The following SLC24A2 variants were observed in gnomAD, a reference collection of about 807,000 sequenced individuals.
The protein encoded by SLC24A2 is solute carrier family 24 member 2.
SLC24A2 carries 36 observed loss-of-function variants against 62.0 expected under a neutral mutation model. The ratio of observed to expected loss-of-function variants is 0.58; its 90% CI spans 0.44 to 0.77. The LOEUF (loss-of-function observed/expected upper bound fraction) is 0.77, where lower values mean the gene tolerates loss of function less well. Ranked by LOEUF, SLC24A2 falls within the 30% of genes least tolerant of loss-of-function variation. The pLI, the probability that SLC24A2 is intolerant of heterozygous loss-of-function variation, is 0.00. For missense variants in SLC24A2, 846 were observed against 817.9 expected, an observed-to-expected ratio of 1.03 and a Z score of -0.42; for synonymous variants, 358 against 294.0, an observed-to-expected ratio of 1.22 and a Z score of -2.23.
intron 8 of SLC24A2, among the ~76,000 whole-genome samples, chr9:19,542,790 T>C (rs1257728056): frequency 6.6e-6 from 1 of 152,244 alleles, no homozygotes; most frequent in Admixed American, 6.5e-5. Context: ...TGAAGCCACC[T>C]TGATGGTGGT....
intron 10 of SLC24A2, 112 bp downstream of exon 10, chr9:19,520,782 T>G: frequency 1.1e-6 from 1 of 914,818 alleles, no homozygotes. Flanking sequence ...TACTCTGTAT[T>G]GGTATTGGTT....
chr9:19,811,396 G>T, the SLC24A2 span, among the ~76,000 whole-genome samples: 1 of 152,124 alleles, frequency 6.6e-6, no homozygotes, highest in Non-Finnish European at 1.5e-5. Flanking sequence ...TTACATTACT[G>T]AACTTAAATT....
At chr9:19,669,748 G>A (rs527942782) in intron 2 of SLC24A2, among the ~76,000 whole-genome samples, 1 of 152,268 alleles carries the variant, frequency 6.6e-6, no homozygotes, top group South Asian at 2.1e-4. Context: ...CTGCCTTAAG[G>A]ACCCTTGTGA....
At chr9:20,054,213 A>T in the SLC24A2 span, among the ~76,000 whole-genome samples, 13 of 150,880 alleles carry the variant, frequency 8.6e-5, 1 homozygote, top group African/African-American at 2.7e-4. Context: ...TATTTTTGAG[A>T]TGGAGTCTCA....
the SLC24A2 span, among the ~76,000 whole-genome samples, chr9:20,042,496 C>G: frequency 2.0e-5 from 3 of 152,160 alleles, no homozygotes; most frequent in Non-Finnish European, 4.4e-5. Flanking sequence ...AGTTATCTAA[C>G]CCTAGGGGAC....
chr9:20,253,862 G>T, the SLC24A2 span, among the ~76,000 whole-genome samples: 1 of 152,098 alleles, frequency 6.6e-6, no homozygotes, highest in Non-Finnish European at 1.5e-5. Context: ...GTCATGACCC[G>T]TTCTGGGCAC....
At chr9:20,300,480 C>T in the SLC24A2 span, among the ~76,000 whole-genome samples, 68 of 152,286 alleles carry the variant, frequency 4.5e-4, no homozygotes, top group Middle Eastern at 6.8e-3. Flanking sequence ...TCTTACTATT[C>T]TCCCCTTTGT....
At chr9:20,019,033 T>C in the SLC24A2 span, among the ~76,000 whole-genome samples, 3 of 148,080 alleles carry the variant, frequency 2.0e-5, no homozygotes, top group East Asian at 5.9e-4. Context: ...ACAACACTCC[T>C]AGCCTGGAAC....
chr9:19,934,438 C>G, the SLC24A2 span, among the ~76,000 whole-genome samples: 2 of 152,130 alleles, frequency 1.3e-5, no homozygotes, highest in African/African-American at 4.8e-5. This position sits in a 1 kb window ranked among gnomAD's most constrained non-coding sequence, Gnocchi z 4.1. Context: ...CCGCGCACCC[C>G]CGGGCTCCCG....
chr9:19,996,769 G>C, the SLC24A2 span, among the ~76,000 whole-genome samples: 21 of 146,446 alleles, frequency 1.4e-4, no homozygotes, highest in African/African-American at 4.8e-4. Context: ...AAAAAAAAAG[G>C]AGATCCATCA....
At chr9:19,524,418 C>CAAA (rs34416897) in intron 9 of SLC24A2, among the ~76,000 whole-genome samples, 16 of 119,042 alleles carry the variant, frequency 1.3e-4, no homozygotes, top group African/African-American at 2.5e-4. Context: ...AAGATAAAGG[C>CAAA]AAAAAAAAAA....
chr9:20,197,695 G>A, the SLC24A2 span, among the ~76,000 whole-genome samples: 1 of 152,032 alleles, frequency 6.6e-6, no homozygotes, highest in Non-Finnish European at 1.5e-5. Context: ...GCCTCCCAAA[G>A]TTCTGGGATT....
chr9:19,556,037 G>T (rs963831205), intron 7 of SLC24A2, among the ~76,000 whole-genome samples: 1 of 152,136 alleles, frequency 6.6e-6, no homozygotes, highest in Non-Finnish European at 1.5e-5. Flanking sequence ...TATCAATACC[G>T]AACATTGAAA....
chr9:19,607,718 CAAAAA>C (rs769291086), intron 4 of SLC24A2, among the ~76,000 whole-genome samples: 1 of 67,244 alleles, frequency 1.5e-5, no homozygotes, highest in African/African-American at 5.3e-5. Flanking sequence ...GACTCTGTCT[CAAAAA>C]AAAAAAAAAA....
the SLC24A2 span, among the ~76,000 whole-genome samples, chr9:19,904,398 T>C: frequency 5.3e-4 from 81 of 152,148 alleles, 1 homozygote; most frequent in Admixed American, 4.4e-3. Context: ...GGGGAGAAAA[T>C]GTGAAGACCA....
chr9:20,120,105 T>C, the SLC24A2 span, among the ~76,000 whole-genome samples: 8 of 152,188 alleles, frequency 5.3e-5, no homozygotes, highest in Admixed American at 5.2e-4. Flanking sequence ...ACCAGCAACA[T>C]TGTATCTCTC....
At chr9:19,690,469 T>G (rs561817485) in intron 2 of SLC24A2, among the ~76,000 whole-genome samples, 6 of 152,230 alleles carry the variant, frequency 3.9e-5, no homozygotes, top group Middle Eastern at 3.4e-3. Context: ...GGGGTTGTCT[T>G]TCCTCTGGGG....
chr9:20,134,196 T>C, the SLC24A2 span, among the ~76,000 whole-genome samples: 3 of 152,140 alleles, frequency 2.0e-5, no homozygotes, highest in Non-Finnish European at 2.9e-5. Flanking sequence ...ACCTGAAAGG[T>C]CTACCATGAT....
At chr9:19,644,435 G>C (rs999382873) in intron 2 of SLC24A2, among the ~76,000 whole-genome samples, 2 of 152,154 alleles carry the variant, frequency 1.3e-5, no homozygotes, top group African/African-American at 4.8e-5. Flanking sequence ...AAACCTATGA[G>C]ATCAGTTTTG....
Sources: allele counts gnomAD v4.1 joint callset (sites outside exome capture counted in the v4.1 genomes callset), GRCh38; gene constraint gnomAD v4.1.1; non-coding constraint Gnocchi (gnomAD v3.1); transcripts MANE v1.5; gene names NCBI Gene and HGNC (gene_info 2026-07-23, HGNC 2026-07-21).